Variants in EPHA5 observed in about 807,000 individuals in gnomAD.
EPHA5 encodes the protein ephrin type-A receptor 5.
Under a neutral mutation model 105.0 loss-of-function variants are expected in EPHA5, and 60 were observed. The ratio of observed to expected loss-of-function variants is 0.57; its 90% CI spans 0.46 to 0.71. The LOEUF is 0.71. Ranked by LOEUF, EPHA5 falls within the 30% of genes least tolerant of loss-of-function variation. EPHA5 has a pLI of 0.00. For synonymous variants in EPHA5, 513 were observed against 449.1 expected, an observed-to-expected ratio of 1.14 and a Z score of -1.80; for missense variants, 1,218 against 1,274.7, an observed-to-expected ratio of 0.96 and a Z score of 0.68.
At chr4:65,510,467 G>A (rs1294557899) in intron 3 of EPHA5, among the ~76,000 whole-genome samples, 1 of 152,090 alleles carries the variant, frequency 6.6e-6, no homozygotes, top group Non-Finnish European at 1.5e-5. Flanking sequence ...TTTTGGTTGT[G>A]AACTTTGAGG....
chr4:65,369,911 G>T (rs193122723), intron 8 of EPHA5, among the ~76,000 whole-genome samples: 464 of 152,254 alleles, frequency 3.0e-3, no homozygotes, highest in African/African-American at 0.01. Flanking sequence ...AGGTTGCAGT[G>T]AGCCAAGATC....
At chr4:65,339,715 T>C (rs775751648) in intron 14 of EPHA5, among the ~76,000 whole-genome samples, 4 of 123,338 alleles carry the variant, frequency 3.2e-5, no homozygotes, top group Non-Finnish European at 5.6e-5. Context: ...CTGGAGCCTA[T>C]CCCAGCAGCT....
chr4:65,415,969 T>C (rs557155541), intron 6 of EPHA5, among the ~76,000 whole-genome samples: 71 of 152,176 alleles, frequency 4.7e-4, no homozygotes, highest in African/African-American at 1.6e-3. Context: ...CCTGATAATA[T>C]TATTTATTAT....
At chr4:65,340,467 C>T (rs1721603344) in intron 14 of EPHA5, among the ~76,000 whole-genome samples, 1 of 152,100 alleles carries the variant, frequency 6.6e-6, no homozygotes, top group Admixed American at 6.6e-5. Flanking sequence ...GGACTTCTTT[C>T]TCACAGTGGG....
At chr4:65,500,535 C>A (rs1193206295) in intron 3 of EPHA5, among the ~76,000 whole-genome samples, 1 of 146,950 alleles carries the variant, frequency 6.8e-6, no homozygotes, top group Non-Finnish European at 1.5e-5. Flanking sequence ...TTTAAAGATT[C>A]TCAAAATTAC....
At chr4:65,339,224 T>C (rs930878811) in intron 14 of EPHA5, among the ~76,000 whole-genome samples, 8 of 152,116 alleles carry the variant, frequency 5.3e-5, no homozygotes, top group Admixed American at 1.3e-4. Flanking sequence ...ATAAGTGTCA[T>C]TGGGTTAGCA....
At chr4:65,599,325 C>A (rs2149432262) in intron 3 of EPHA5, among the ~76,000 whole-genome samples, 1 of 144,684 alleles carries the variant, frequency 6.9e-6, no homozygotes, top group East Asian at 2.1e-4. Context: ...GTAAAATGAG[C>A]TAGAGTCATG....
intron 5 of EPHA5, among the ~76,000 whole-genome samples, chr4:65,483,052 A>G (rs1730535401): frequency 6.6e-6 from 1 of 151,934 alleles, no homozygotes; most frequent in Non-Finnish European, 1.5e-5. Context: ...GATGTTCCCC[A>G]TCCTGTGTCC....
intron 3 of EPHA5, among the ~76,000 whole-genome samples, chr4:65,513,647 A>G (rs1733839692): frequency 6.6e-6 from 1 of 152,150 alleles, no homozygotes; most frequent in African/African-American, 2.4e-5. Flanking sequence ...CTGCCTCCCA[A>G]AGTGCTGGGA....
intron 3 of EPHA5, among the ~76,000 whole-genome samples, chr4:65,601,106 C>A (rs911768162): frequency 6.6e-6 from 1 of 152,050 alleles, no homozygotes; most frequent in Admixed American, 6.6e-5. Flanking sequence ...TAATTACAAC[C>A]ATAAGTAAAC....
intron 8 of EPHA5, among the ~76,000 whole-genome samples, chr4:65,398,844 C>T (rs546198570): frequency 1.1e-4 from 17 of 152,312 alleles, no homozygotes; most frequent in African/African-American, 4.1e-4. Context: ...GAGCTACCCA[C>T]TTTGGGTCTC....
At chr4:65,343,500 T>G (rs565038826) in intron 14 of EPHA5, among the ~76,000 whole-genome samples, 1 of 152,128 alleles carries the variant, frequency 6.6e-6, no homozygotes, top group Non-Finnish European at 1.5e-5. Flanking sequence ...AAGAATCAGA[T>G]AGCATCTGGA....
chr4:65,594,981 T>A (rs973392226), intron 3 of EPHA5, among the ~76,000 whole-genome samples: 1 of 152,114 alleles, frequency 6.6e-6, no homozygotes, highest in Non-Finnish European at 1.5e-5. Flanking sequence ...CAGATTTTTA[T>A]AAGCAAATAC....
chr4:65,468,692 A>T (rs868332700), intron 5 of EPHA5, among the ~76,000 whole-genome samples: 7 of 139,054 alleles, frequency 5.0e-5, no homozygotes, highest in South Asian at 4.3e-4. Flanking sequence ...ATATATATAA[A>T]ATATATATAT....
At chr4:65,428,367 G>C (rs1429848524) in intron 5 of EPHA5, among the ~76,000 whole-genome samples, 1 of 151,952 alleles carries the variant, frequency 6.6e-6, no homozygotes, top group East Asian at 1.9e-4. Context: ...ATTTGATACT[G>C]TTGGGCCAGG....
At chr4:65,509,025 C>G (rs1733342616) in intron 3 of EPHA5, among the ~76,000 whole-genome samples, 1 of 152,122 alleles carries the variant, frequency 6.6e-6, no homozygotes. Flanking sequence ...AAATATTCCT[C>G]TTTTGAATTG....
chr4:65,617,024 A>C (rs749552539), intron 2 of EPHA5, among the ~76,000 whole-genome samples: 6 of 152,060 alleles, frequency 3.9e-5, no homozygotes, highest in Non-Finnish European at 7.4e-5. Flanking sequence ...GTTTTATATA[A>C]TATTTCCCAA....
At chr4:65,485,912 C>T (rs1048732131) in intron 5 of EPHA5, among the ~76,000 whole-genome samples, 18 of 152,118 alleles carry the variant, frequency 1.2e-4, no homozygotes, top group Admixed American at 8.5e-4. Flanking sequence ...CAGGGAGGGA[C>T]TCTCACTGAA....
chr4:65,622,517 G>C (rs1259473264), intron 2 of EPHA5, among the ~76,000 whole-genome samples: 1 of 152,046 alleles, frequency 6.6e-6, no homozygotes, highest in Non-Finnish European at 1.5e-5. Context: ...CCATGACAAA[G>C]TATTCACTAA....
Sources: gnomAD v4.1 joint callset for allele counts (sites outside exome capture counted in the v4.1 genomes callset) on GRCh38, gnomAD v4.1.1 for gene constraint, MANE v1.5 for transcripts, NCBI Gene and HGNC (gene_info 2026-07-23, HGNC 2026-07-21) for gene names.